The following MEFV variants were observed in gnomAD, a reference collection of about 807,000 sequenced individuals.
The protein encoded by MEFV is MEFV innate immunity regulator, pyrin, also known as pyrin.
In MEFV, 60 loss-of-function variants were observed where a neutral mutation model predicts 62.5. The observed-to-expected ratio is 0.96, with a 90% CI of 0.78 to 1.19. The LOEUF is 1.19. MEFV is among the 50% of genes most tolerant of loss of function. The probability of loss-of-function intolerance (pLI) is 0.00; values close to 1 mark genes in which losing one functional copy is unlikely to be tolerated. For synonymous variants in MEFV, 500 were observed against 415.2 expected, an observed-to-expected ratio of 1.20 and a Z score of -2.48; for missense variants, 1,169 against 1,004.5, an observed-to-expected ratio of 1.16 and a Z score of -2.21.
rs1225720996 is a variant in MEFV at position 3,256,304 on chromosome 16, C to T, written c.277+7G>A. The T allele has an allele frequency of 1.1e-5, 18 of 1,613,044 alleles. No individual in the cohort carries two copies. In the Admixed American group the frequency reaches 1.2e-4, roughly 10 times the overall value. On this transcript the variant is annotated splice_region_variant and intron_variant, in intron 1 of 9. Transcript: ENST00000219596. Reference sequence around the variant, plus strand: ...ACTGGATGAGGAGGAGGCCTGGGCCCGCTTACCCTGAATGGCTGCCCTGTG... The same window carrying T: ...ACTGGATGAGGAGGAGGCCTGGGCCTGCTTACCCTGAATGGCTGCCCTGTG...
chr16:3,245,828 G>A (rs1240238108), intron 6 of MEFV, among the ~76,000 whole-genome samples: 1 of 152,080 alleles, frequency 6.6e-6, no homozygotes, highest in Admixed American at 6.6e-5. Flanking sequence ...CTTCTGGGTA[G>A]GTACCCAAAA....
In MEFV at chr16:3,242,672, C is replaced by CAAAA. The variant is rs61379197; in HGVS notation, c.*465_*468dup. 1.7e-5 allele frequency: 3 copies of CAAAA among 180,698 alleles called. No homozygotes were observed. The highest frequency in any genetic ancestry group is 5.8e-5 in the Admixed American group (1 of 17,282). 11.2% of individuals were successfully genotyped at this position (180,698 alleles called of 1,614,324 possible). On this transcript the variant is annotated 3_prime_UTR_variant, in exon 10 of 10. Coordinates refer to ENST00000219596, the MANE Select transcript of MEFV (RefSeq NM_000243.3). Reference sequence around the variant, plus strand: ...TGGGCCACAGAGCAAGATTTGGTCTCAAAAAAAAAAAAAAAAAATCATAGT... The same window carrying CAAAA: ...TGGGCCACAGAGCAAGATTTGGTCTCAAAAAAAAAAAAAAAAAAAAAATCATAGT...
chr16:3,251,983 AAG>A (rs1959040593), intron 2 of MEFV: 1 of 433,028 alleles, frequency 2.3e-6, no homozygotes, highest in Non-Finnish European at 4.7e-6. Context: ...TTCGGAGGCA[AAG>A]ATGGGAGGAT....
chr16:3,247,520 C>G (rs1427223881), intron 4 of MEFV: 2 of 498,680 alleles, frequency 4.0e-6, no homozygotes, highest in Non-Finnish European at 7.2e-6. Context: ...GCCCTAACCC[C>G]CAGTACTCAG....
chr16:3,247,853 C>A (rs224209), intron 4 of MEFV: 88,443 of 147,472 alleles, frequency 0.6, 26,408 homozygotes, highest in South Asian at 0.74. Flanking sequence ...AGAATTGCTT[C>A]AACTGGGGAG....
At chr16:3,255,143 C>A (rs1959097448) in intron 1 of MEFV, among the ~76,000 whole-genome samples, 1 of 152,006 alleles carries the variant, frequency 6.6e-6, no homozygotes, top group Non-Finnish European at 1.5e-5. Flanking sequence ...ATGGCAAAAC[C>A]CCGTTCCTAC....
intron 4 of MEFV, chr16:3,248,551 C>A (rs915031889): frequency 2.8e-6 from 1 of 351,680 alleles, no homozygotes; most frequent in Non-Finnish European, 5.3e-6. Flanking sequence ...GATCACACCA[C>A]TGCACTACAA....
Position 3,243,702 on chromosome 16 carries a change from G to T in MEFV, c.1793-8C>A, listed in dbSNP as rs1171488451. On this transcript the variant is annotated splice_region_variant and splice_polypyrimidine_tract_variant and intron_variant, in intron 9 of 9. Transcript: ENST00000219596. ...CATCCAGAATCACATTAACTGCAAA[G>T]AAAATTTGAATACCTAGGTAGGGGT... 4 of 1,610,668 alleles carry T rather than the reference G, an allele frequency of 2.5e-6. No individual in the cohort carries two copies. The African/African-American group carries it at 5.4e-5, about 22-fold the overall frequency.
chr16:3,243,972 A>C (rs756017728), intron 8 of MEFV, 80 bp from the exon 9 acceptor site: 2 of 1,585,918 alleles, frequency 1.3e-6, no homozygotes, highest in South Asian at 2.3e-5. Context: ...CCTGACAACA[A>C]GGAAAGACAA....
intron 4 of MEFV, among the ~76,000 whole-genome samples, chr16:3,248,309 T>C (rs1596353744): frequency 6.7e-6 from 1 of 150,038 alleles, no homozygotes; most frequent in East Asian, 2.0e-4. Context: ...AAAGTGTTCT[T>C]GGCCGGGCGC....
rs754732415 is a variant in MEFV, at chr16:3,243,242, A to G, written c.2245T>C (p.Ser749Pro). ...CTGAAGATAGGTTGAAGGGGCCCAGAGAAAGAGCAGCTGGCGAATGTATAG... is the reference window on the plus strand; with the variant it reads ...CTGAAGATAGGTTGAAGGGGCCCAGGGAAAGAGCAGCTGGCGAATGTATAG... ...HIYTFASCSFSGPLQPIFSPG... is the reference protein window; with the variant it reads ...HIYTFASCSFPGPLQPIFSPG... The change falls in exon 10 of 10, where the codon TCT becomes CCT. Residue 749 changes from serine (S) to proline (P), a missense_variant. Ser to Pro is a moderately conservative substitution (Grantham distance 74). Coordinates refer to ENST00000219596, the MANE Select transcript of MEFV (RefSeq NM_000243.3). 7 of 1,614,076 alleles carry G rather than the reference A, an allele frequency of 4.3e-6. No homozygotes were observed. Among genetic ancestry groups the G allele is most frequent in the Non-Finnish European group, 5.9e-6 (7 of 1,180,052 alleles).
intron 6 of MEFV, among the ~76,000 whole-genome samples, chr16:3,245,484 A>G (rs116008088): frequency 0.021 from 3,138 of 152,190 alleles, 102 homozygotes; most frequent in African/African-American, 0.071. Flanking sequence ...TACCAAAAAA[A>G]TTAGCTGGGC....
intron 8 of MEFV, 117 bp from the exon 9 acceptor site, chr16:3,244,009 G>T (rs752303879): frequency 3.8e-6 from 6 of 1,559,430 alleles, no homozygotes; most frequent in South Asian, 1.2e-5. Flanking sequence ...GGCCCTGCAT[G>T]CTATGTTGGG....
At chr16:3,250,614 G>A (rs1158054633) in intron 2 of MEFV, among the ~76,000 whole-genome samples, 5 of 151,276 alleles carry the variant, frequency 3.3e-5, no homozygotes, top group Non-Finnish European at 7.4e-5. Flanking sequence ...CAAAGAAGGG[G>A]GGCATTATAG....
In MEFV at chr16:3,243,457, T is replaced by C. The variant is rs1349935666; in HGVS notation, c.2030A>G (p.Lys677Arg). The change falls in exon 10 of 10, where the codon AAA becomes AGA. Residue 677 changes from lysine to arginine, a missense_variant. Transcript: ENST00000219596. ...CTCTGGCGACAGAGTCATGTTCCCT[T>C]TCCTGCTTATGGATGTCTTGCAGGC... The part of the protein sequence containing the change: ...LGACKTSISR[K>R]GNMTLSPENG... The C allele has an allele frequency of 6.2e-7, 1 of 1,614,010 alleles. No individual in the cohort carries two copies. The highest frequency in any genetic ancestry group is 1.3e-5 in the African/African-American group (1 of 74,916).
In MEFV at chr16:3,254,342, G is replaced by C. The variant is rs104895127; in HGVS notation, c.726C>G (p.Ser242Arg). ...YLPSGKMRPR[S>R]LEVTISTGEK... ...CCCCTGTAGAAATGGTGACCTCAAG[G>C]CTTCTAGGTCGCATCTTTCCCGAGG... The change falls in exon 2 of 10, where the codon AGC becomes AGG. Residue 242 changes from serine (S) to arginine (R), a missense_variant. By Grantham distance (110) the Ser-to-Arg change is moderately radical. Coordinates refer to ENST00000219596, the MANE Select transcript of MEFV (RefSeq NM_000243.3). 2 of 1,614,234 alleles carry C rather than the reference G, an allele frequency of 1.2e-6. No homozygotes were observed. Among genetic ancestry groups the C allele is most frequent in the Admixed American group, 1.7e-5 (1 of 60,034 alleles).
intron 2 of MEFV, among the ~76,000 whole-genome samples, chr16:3,252,570 G>A (rs760050875): frequency 3.3e-4 from 50 of 151,632 alleles, no homozygotes; most frequent in Non-Finnish European, 6.9e-4. Context: ...CACCGCACCC[G>A]GCCTGGACCC....
At chr16:3,253,270 A>G (rs1051148549) in intron 2 of MEFV, among the ~76,000 whole-genome samples, 5 of 152,062 alleles carry the variant, frequency 3.3e-5, no homozygotes, top group African/African-American at 1.2e-4. Context: ...CTAAAAGAAG[A>G]TGGCCAGGGT....
chr16:3,246,641 C>T (rs1160152119), intron 5 of MEFV, 94 bp from the exon 6 acceptor site: 1 of 1,357,670 alleles, frequency 7.4e-7, no homozygotes, highest in Admixed American at 1.7e-5. Context: ...ACTTTTAGCT[C>T]CCCGCTGCAC....
Sources: gnomAD v4.1 joint callset for allele counts (sites outside exome capture counted in the v4.1 genomes callset) on GRCh38, gnomAD v4.1.1 for gene constraint, MANE v1.5 for transcripts, NCBI Gene and HGNC (gene_info 2026-07-23, HGNC 2026-07-21) for gene names.